The following GCLC variants were observed in gnomAD, a reference collection of about 807,000 sequenced individuals.
The protein encoded by GCLC is glutamate-cysteine ligase catalytic subunit.
In GCLC, 30 loss-of-function variants were observed where a neutral mutation model predicts 81.5. The ratio of observed to expected loss-of-function variants is 0.37; its 90% CI spans 0.28 to 0.50. The LOEUF is 0.50. Among genes scored for constraint, GCLC ranks in the 20% least tolerant of loss-of-function variants. The pLI is 0.96. For missense variants in GCLC, 556 were observed against 777.4 expected (o/e 0.72, Z 3.39); for synonymous variants, 262 against 273.3 (o/e 0.96, Z 0.41).
intron 6 of GCLC, chr6:53,513,177 T>C (rs1291136476): frequency 6.6e-6 from 1 of 152,232 alleles, no homozygotes; most frequent in Non-Finnish European, 1.5e-5. Context: ...ACCAGAGATA[T>C]ATGCACAAGA....
intron 3 of GCLC, among the ~76,000 whole-genome samples, chr6:53,519,509 G>A (rs1323230770): frequency 8.1e-5 from 12 of 147,248 alleles, no homozygotes; most frequent in Non-Finnish European, 1.5e-4. Context: ...CCACTTTGAC[G>A]CTTATGAATC....
chr6:53,543,182 A>G (rs139614537), intron 1 of GCLC, among the ~76,000 whole-genome samples: 1 of 152,356 alleles, frequency 6.6e-6, no homozygotes, highest in Non-Finnish European at 1.5e-5. Context: ...GTGAACAAGC[A>G]TAATGTCCCT....
At chr6:53,524,485 G>C (rs961151527) in intron 1 of GCLC, among the ~76,000 whole-genome samples, 2 of 152,152 alleles carry the variant, frequency 1.3e-5, no homozygotes, top group African/African-American at 2.4e-5. Context: ...TGGAAGCTGG[G>C]CTGTAACAAT....
At chr6:53,514,111 G>A in intron 6 of GCLC, 93 bp downstream of exon 6, 1 of 1,209,682 alleles carries the variant, frequency 8.3e-7, no homozygotes, top group South Asian at 1.2e-5. Context: ...TCATTAAAAT[G>A]TGATTTTTGG....
chr6:53,507,432 G>A (rs1422707892), intron 9 of GCLC, 48 bp downstream of exon 9: 8 of 1,600,694 alleles, frequency 5.0e-6, no homozygotes, highest in East Asian at 2.2e-5. Flanking sequence ...GAGCTTTGAA[G>A]AACTAAAGGC....
In GCLC at chr6:53,505,452, C is replaced by T; in HGVS notation, c.1335G>A (p.Val445=). 1 of 1,606,276 alleles carries T rather than the reference C, an allele frequency of 6.2e-7. No homozygotes were observed. Among genetic ancestry groups the T allele is most frequent in the South Asian group, 1.1e-5 (1 of 90,880 alleles). Residue 445 remains valine (V), a synonymous_variant, in exon 12 of 16, where the codon GTG becomes GTA. Coordinates refer to ENST00000650454, the MANE Select transcript of GCLC (RefSeq NM_001498.4). ...AAAGGATCACTCTGGTGAGCAGTAC[C>T]ACAAACACCACATAGGCAGAGTTCT... The part of the protein sequence containing the change: ...DFENSAYVVF[V]VLLTRVILSY...
intron 1 of GCLC, among the ~76,000 whole-genome samples, chr6:53,542,398 G>A (rs1445934430): frequency 6.6e-6 from 1 of 152,146 alleles, no homozygotes; most frequent in Non-Finnish European, 1.5e-5. Context: ...CGTACTTCAA[G>A]GCTCTACTCT....
Position 53,498,724 on chromosome 6 carries a change from G to A in GCLC, c.*32C>T, listed in dbSNP as rs758910341. 13 of 1,354,920 alleles carry A rather than the reference G, an allele frequency of 9.6e-6. No individual in the cohort carries two copies. The highest frequency in any genetic ancestry group is 9.2e-5 in the East Asian group (4 of 43,702). The allele number at this position is 1,354,920 out of a possible 1,614,324, so 83.9% of individuals were successfully genotyped here. A position where few individuals can be genotyped will look rare whatever the true frequency, so the allele number is the denominator to read the frequency against. On this transcript the variant is annotated 3_prime_UTR_variant, in exon 16 of 16. Coordinates refer to ENST00000650454, the MANE Select transcript of GCLC (RefSeq NM_001498.4). ...AGAGGCATGGTACTGTAGCCAGTTCGTCAATAATGCATTTTTCTTTCTGTA... is the reference window on the plus strand; with the variant it reads ...AGAGGCATGGTACTGTAGCCAGTTCATCAATAATGCATTTTTCTTTCTGTA...
chr6:53,508,564 A>T (rs569790547), intron 8 of GCLC, 31 bp downstream of exon 8: 9 of 1,271,400 alleles, frequency 7.1e-6, no homozygotes, highest in Non-Finnish European at 1.0e-5. Flanking sequence ...TGCTTGACTT[A>T]AAAGGGCTAT....
At chr6:53,540,667 CCACACACACACACA>C (rs35480206) in intron 1 of GCLC, among the ~76,000 whole-genome samples, 88 of 143,916 alleles carry the variant, frequency 6.1e-4, no homozygotes, top group South Asian at 2.3e-4. Flanking sequence ...AAGTGTCTTG[CCACACACACACACA>C]CACACACACA....
intron 9 of GCLC, 117 bp from the exon 10 acceptor site, chr6:53,507,142 A>G: frequency 1.4e-6 from 1 of 731,568 alleles, no homozygotes. Flanking sequence ...TAGAAGCTTG[A>G]AATAGCTGGT....
chr6:53,520,626 A>G, intron 3 of GCLC, 152 bp downstream of exon 3: 1 of 752,548 alleles, frequency 1.3e-6, no homozygotes, highest in Non-Finnish European at 2.4e-6. Context: ...CTGCAGCTCT[A>G]CTGTTACAGA....
intron 1 of GCLC, among the ~76,000 whole-genome samples, chr6:53,533,475 C>A (rs1382755952): frequency 6.6e-6 from 1 of 152,122 alleles, no homozygotes; most frequent in Non-Finnish European, 1.5e-5. Flanking sequence ...CTACTAACTC[C>A]CACATCAAAT....
chr6:53,512,057 T>C (rs935736491), intron 6 of GCLC, among the ~76,000 whole-genome samples: 8 of 151,274 alleles, frequency 5.3e-5, no homozygotes, highest in Non-Finnish European at 1.2e-4. Context: ...CAAGCGTTTC[T>C]CATGCCTCAG....
At chr6:53,504,989 T>C (rs1350643215) in intron 12 of GCLC, among the ~76,000 whole-genome samples, 2 of 152,172 alleles carry the variant, frequency 1.3e-5, no homozygotes, top group African/African-American at 2.4e-5. Context: ...TTTTGGTCTT[T>C]TGGGGGGCAG....
At chr6:53,533,119 A>T (rs758309197) in intron 1 of GCLC, among the ~76,000 whole-genome samples, 5 of 152,222 alleles carry the variant, frequency 3.3e-5, no homozygotes, top group Admixed American at 6.5e-5. Flanking sequence ...TTAAGTGGAG[A>T]TTAAGTCATC....
intron 1 of GCLC, among the ~76,000 whole-genome samples, chr6:53,525,253 C>A (rs1354370225): frequency 6.6e-6 from 1 of 152,134 alleles, no homozygotes; most frequent in African/African-American, 2.4e-5. Flanking sequence ...TTGTTAAACA[C>A]CCCCACCACC....
chr6:53,513,164 T>C (rs761509857), intron 6 of GCLC: 2 of 152,236 alleles, frequency 1.3e-5, no homozygotes, highest in Admixed American at 6.5e-5. Context: ...TGAAAATAAA[T>C]AGACCAGAGA....
At chr6:53,533,581 A>G (rs1359291032) in intron 1 of GCLC, among the ~76,000 whole-genome samples, 1 of 152,180 alleles carries the variant, frequency 6.6e-6, no homozygotes, top group African/African-American at 2.4e-5. Context: ...GGGGGAATGA[A>G]TTCTACCACT....
Sources: gnomAD v4.1 joint callset for allele counts (sites outside exome capture counted in the v4.1 genomes callset) on GRCh38, gnomAD v4.1.1 for gene constraint, MANE v1.5 for transcripts, NCBI Gene and HGNC (gene_info 2026-07-23, HGNC 2026-07-21) for gene names.